ADH1A: variants seen among roughly 807,000 people sequenced by gnomAD.
The protein encoded by ADH1A is alcohol dehydrogenase 1A.
A neutral mutation model predicts 35.2 loss-of-function variants in ADH1A; 29 were observed. The observed-to-expected ratio is 0.82, with a 90% CI of 0.61 to 1.12. ADH1A has a LOEUF of 1.12. ADH1A is among the 50% of genes most tolerant of loss of function. The pLI is 0.00. For synonymous variants in ADH1A, 147 were observed against 164.8 expected (o/e 0.89, Z 0.83); for missense variants, 469 against 464.7 (o/e 1.01, Z -0.09).
intron 5 of ADH1A, 54 bp downstream of exon 5, chr4:99,284,345 T>C: frequency 3.2e-6 from 5 of 1,564,926 alleles, no homozygotes; most frequent in Non-Finnish European, 4.4e-6. Context: ...TCCTTCCCTT[T>C]GGGTTCCTGA....
Position 99,284,397 on chromosome 4 carries a change from A to T in ADH1A, c.567+2T>A, listed in dbSNP as rs776051979. On this transcript the variant is annotated splice_donor_variant, in intron 5 of 8. Coordinates refer to ENST00000209668, the MANE Select transcript of ADH1A (RefSeq NM_000667.4). LOFTEE classifies it high-confidence loss of function. Reference sequence around the variant, plus strand: ...GTTTTTATCACCCATTGCCATTCTTACCTTGGCAACATTGACTGCAGACCC... The same window carrying T: ...GTTTTTATCACCCATTGCCATTCTTTCCTTGGCAACATTGACTGCAGACCC... The T allele has an allele frequency of 9.9e-6, 16 of 1,613,926 alleles. No homozygotes were observed. Among genetic ancestry groups the T allele is most frequent in the South Asian group, 4.4e-5 (4 of 91,076 alleles).
intron 7 of ADH1A, among the ~76,000 whole-genome samples, chr4:99,279,853 T>C (rs1462667859): frequency 1.3e-5 from 2 of 152,098 alleles, no homozygotes; most frequent in Non-Finnish European, 2.9e-5. Flanking sequence ...GGTGTAGATA[T>C]GAAATATTGT....
At chr4:99,287,489 A>C in intron 2 of ADH1A, 75 bp downstream of exon 2, 3 of 1,405,832 alleles carry the variant, frequency 2.1e-6, no homozygotes, top group Non-Finnish European at 2.0e-6. Context: ...TGATCATATA[A>C]AAATTTGGTT....
At chr4:99,288,505 A>T (rs1379411538) in intron 1 of ADH1A, among the ~76,000 whole-genome samples, 1 of 152,248 alleles carries the variant, frequency 6.6e-6, no homozygotes, top group Non-Finnish European at 1.5e-5. Context: ...CTTGGCAGTG[A>T]ACTGTAATAT....
chr4:99,286,873 T>G lies in ADH1A; in HGVS notation c.236A>C (p.Glu79Ala), dbSNP rs753554281. The G allele has an allele frequency of 4.3e-6, 7 of 1,614,006 alleles. No homozygotes were observed. Among genetic ancestry groups the G allele is most frequent in the Non-Finnish European group, 5.9e-6 (7 of 1,180,020 alleles). Residue 79 changes from glutamate to alanine, a missense_variant, in exon 3 of 9, where the codon GAA (glutamate) becomes GCA (alanine). Physicochemically the swap from Glu to Ala is moderately radical, Grantham distance 107. Transcript: ENST00000209668. ...EAAGIVESVG[E>A]GVTTVKPGDK... ...ACCTGGTTTGACTGTAGTCACCCCT[T>G]CTCCAACACTCTCCACGATGCCGGC...
At chr4:99,281,281 T>C (rs958855605) in intron 6 of ADH1A, 1 of 152,218 alleles carries the variant, frequency 6.6e-6, no homozygotes, top group Admixed American at 6.5e-5. Context: ...TGTTGGTCTC[T>C]GGAGACTTTT....
At chr4:99,278,992 T>C (rs1030886595) in intron 8 of ADH1A, among the ~76,000 whole-genome samples, 1 of 152,174 alleles carries the variant, frequency 6.6e-6, no homozygotes, top group Admixed American at 6.5e-5. Context: ...TAGTTTCACA[T>C]ACTCCAATAA....
At chr4:99,280,441 G>A (rs1181988883) in intron 6 of ADH1A, among the ~76,000 whole-genome samples, 162 bp from the exon 7 acceptor site, 5 of 151,860 alleles carry the variant, frequency 3.3e-5, no homozygotes, top group Non-Finnish European at 7.4e-5. Flanking sequence ...GGATAGTGCT[G>A]TGGATTTAGG....
In ADH1A at chr4:99,279,643, A is replaced by G. The variant is rs763862314; in HGVS notation, c.965-79T>C. 5.8e-5 allele frequency: 87 copies of G among 1,499,434 alleles called. No homozygotes were observed. In the Admixed American group the frequency reaches 7.2e-4, roughly 12 times the overall value. 92.9% of individuals were successfully genotyped at this position (1,499,434 alleles called of 1,614,324 possible). A position where few individuals can be genotyped will look rare whatever the true frequency, so the allele number is the denominator to read the frequency against. On this transcript the variant is annotated intron_variant, in intron 7 of 8. Transcript: ENST00000209668. Reference sequence around the variant, plus strand: ...GAAGAGAAGATTTTCCAAATAAATGAAAGTTTAGAAAAGATGCTGCTTCCA... The same window carrying G: ...GAAGAGAAGATTTTCCAAATAAATGGAAGTTTAGAAAAGATGCTGCTTCCA...
At chr4:99,282,070 T>C (rs957449872) in intron 6 of ADH1A, 58 of 506,162 alleles carry the variant, frequency 1.1e-4, no homozygotes, top group African/African-American at 9.5e-4. Context: ...AGTTTTTAAC[T>C]AAAAATTAAC....
chr4:99,284,296 C>CA (rs1733084074), intron 5 of ADH1A, 103 bp downstream of exon 5: 2 of 1,276,120 alleles, frequency 1.6e-6, no homozygotes, highest in Non-Finnish European at 2.2e-6. Flanking sequence ...AGTCGACATT[C>CA]AAAATCTACA....
Position 99,279,458 on chromosome 4 carries a change from A to G in ADH1A, c.1071T>C (p.Asn357=). The G allele has an allele frequency of 6.2e-7, 1 of 1,608,074 alleles. No individual in the cohort carries two copies. Among genetic ancestry groups the G allele is most frequent in the Non-Finnish European group, 8.5e-7 (1 of 1,178,370 alleles). Residue 357 remains asparagine (N), a synonymous_variant, in exon 8 of 9, where the codon AAT becomes AAC. Coordinates refer to ENST00000209668, the MANE Select transcript of ADH1A (RefSeq NM_000667.4). ...CAGAGTGAAGCAGGTCAAATCCTTC[A>G]TTTATTTTTTCAAAAGGTAAAACAT... ...ITHVLPFEKI[N]EGFDLLHSGK...
At chr4:99,290,577 A>C (rs371447634) in intron 1 of ADH1A, among the ~76,000 whole-genome samples, 2 of 152,184 alleles carry the variant, frequency 1.3e-5, no homozygotes, top group East Asian at 1.9e-4. Context: ...TCTTGATGAA[A>C]GACATTTCTA....
chr4:99,279,998 C>G lies in ADH1A; in HGVS notation c.964+146G>C, dbSNP rs749548489. On this transcript the variant is annotated intron_variant, in intron 7 of 8. Transcript: ENST00000209668. ...TTGGGACCTTCTGCCTGCATTAGTT[C>G]CATATCTAGTTGATTTGGAGACTGT... is the stretch of plus-strand genomic sequence containing the variant. 8.3e-5 allele frequency: 98 copies of G among 1,185,830 alleles called. No individual in the cohort carries two copies. The South Asian group carries it at 9.9e-4, about 12-fold the overall frequency. 73.5% of individuals were successfully genotyped at this position (1,185,830 alleles called of 1,614,324 possible).
rs56270330 is a variant in ADH1A at position 99,279,677 on chromosome 4, C to T, written c.965-113G>A. 2,509 of 1,296,790 alleles carry T rather than the reference C, an allele frequency of 1.9e-3. 8 individuals carry two copies. The highest frequency in any genetic ancestry group is 4.0e-3 in the Admixed American group (174 of 43,948). The allele number at this position is 1,296,790 out of a possible 1,614,324, so 80.3% of individuals were successfully genotyped here. On this transcript the variant is annotated intron_variant, in intron 7 of 8. Transcript: ENST00000209668. ...AAAAGATGCTGCTTCCAGACTGCAACGACTGAGGTTAATAAGAGATACAGT... is the reference window on the plus strand; with the variant it reads ...AAAAGATGCTGCTTCCAGACTGCAATGACTGAGGTTAATAAGAGATACAGT...
chr4:99,279,376 C>T lies in ADH1A; in HGVS notation c.1103+50G>A, dbSNP rs1168067399. 1.9e-6 allele frequency: 3 copies of T among 1,555,794 alleles called. No homozygotes were observed. In the Admixed American group the frequency reaches 6.3e-5, roughly 33 times the overall value. ...ACCTTTTCATTTTCTGCTAGACAAT[C>T]CCCTATGGTAGAAAAAAAAGCAAAA... On this transcript the variant is annotated intron_variant, in intron 8 of 8. Transcript: ENST00000209668.
At chr4:99,289,047 T>C (rs1468994880) in intron 1 of ADH1A, among the ~76,000 whole-genome samples, 1 of 152,176 alleles carries the variant, frequency 6.6e-6, no homozygotes, top group Non-Finnish European at 1.5e-5. Context: ...TAACTCTCTC[T>C]TATAAATGAG....
intron 2 of ADH1A, 180 bp from the exon 3 acceptor site, chr4:99,287,168 A>G (rs762909351): frequency 4.3e-6 from 3 of 698,142 alleles, no homozygotes; most frequent in African/African-American, 1.8e-5. Context: ...ACCCTCCTCT[A>G]CCTTCCATTC....
intron 3 of ADH1A, among the ~76,000 whole-genome samples, chr4:99,285,818 C>T (rs1733137560): frequency 1.3e-5 from 2 of 151,670 alleles, no homozygotes; most frequent in African/African-American, 2.4e-5. Context: ...GTCAGGAGAT[C>T]GAGACCATCC....
Sources: gnomAD v4.1 joint callset for allele counts (sites outside exome capture counted in the v4.1 genomes callset) on GRCh38, gnomAD v4.1.1 for gene constraint, MANE v1.5 for transcripts, NCBI Gene and HGNC (gene_info 2026-07-23, HGNC 2026-07-21) for gene names.